The following TENT5D variants were observed in gnomAD, a reference collection of about 807,000 sequenced individuals.
TENT5D encodes terminal nucleotidyltransferase 5D.
For synonymous variants in TENT5D, 103 were observed against 100.6 expected (o/e 1.02, Z -0.15); for missense variants, 191 against 287.0 (o/e 0.67, Z 2.42).
At chrX:80,372,344 C>T (rs184605193) in intron 3 of TENT5D, among the ~76,000 whole-genome samples, 1 of 111,436 alleles carries the variant, frequency 9.0e-6, no homozygotes. Flanking sequence ...TGGGTAGAGA[C>T]TTTAGAGAAT....
At chrX:80,422,640 TGA>T (rs1283896565) in intron 1 of TENT5D, among the ~76,000 whole-genome samples, 2 of 111,351 alleles carry the variant, frequency 1.8e-5, no homozygotes, top group Non-Finnish European at 3.8e-5. Flanking sequence ...TTTTAATGTC[TGA>T]GAGGGTGCGG....
intron 3 of TENT5D, among the ~76,000 whole-genome samples, chrX:80,392,492 A>AT (rs1931150145): frequency 4.2e-5 from 1 of 23,695 alleles, no homozygotes; most frequent in African/African-American, 1.5e-4. Flanking sequence ...TTCTCATTTT[A>AT]TTCTTTTTTT....
exon 3 of TENT5D, chrX:80,443,094 C>T: frequency 8.3e-7 from 1 of 1,207,591 alleles, no homozygotes; most frequent in East Asian, 3.0e-5. Flanking sequence ...CCATGTTAGA[C>T]TTCTACAGTG....
chrX:80,379,593 T>A (rs1321652932), intron 3 of TENT5D, among the ~76,000 whole-genome samples: 1 of 111,358 alleles, frequency 9.0e-6, no homozygotes, highest in Non-Finnish European at 1.9e-5. Flanking sequence ...GGTCCTGGAC[T>A]TTTTTTGGTT....
intron 3 of TENT5D, among the ~76,000 whole-genome samples, chrX:80,398,907 A>G (rs1931339219): frequency 8.9e-6 from 1 of 111,766 alleles, no homozygotes; most frequent in African/African-American, 3.2e-5. Flanking sequence ...AACCTGACCA[A>G]AAATAACAAC....
chrX:80,335,796 T>C (rs1929836798), intron 2 of TENT5D: 1 of 111,251 alleles, frequency 9.0e-6, no homozygotes, highest in South Asian at 3.7e-4. Flanking sequence ...GCTGGTAAAT[T>C]TGAGGTGTGA....
chrX:80,404,205 C>T (rs1292907922), intron 3 of TENT5D, among the ~76,000 whole-genome samples: 1 of 111,584 alleles, frequency 9.0e-6, no homozygotes, highest in Non-Finnish European at 1.9e-5. Flanking sequence ...TAAAATAAGT[C>T]ATTCATTTAG....
intron 3 of TENT5D, among the ~76,000 whole-genome samples, chrX:80,401,128 T>C (rs1931383288): frequency 8.9e-6 from 1 of 111,936 alleles, no homozygotes; most frequent in South Asian, 3.7e-4. Context: ...TAAAAGTCTT[T>C]CACCTGTTTG....
In TENT5D at chrX:80,338,989, C is replaced by T. The variant is rs777473846; in HGVS notation, c.-207+3273C>T. ...AATAGTTTACAGAATGTCTCATATA[C>T]ATCATTTCATTTGATACCTAAGGTA... On this transcript the variant is annotated intron_variant, in intron 2 of 4. Transcript: ENST00000538312. Among the ~76,000 whole-genome samples the T allele has an allele frequency of 3.6e-5, 4 of 111,849 alleles. No homozygotes were observed. In the South Asian group the frequency reaches 1.5e-3, roughly 41 times the overall value.
At chrX:80,440,879 T>C (rs1039403474) in intron 2 of TENT5D, among the ~76,000 whole-genome samples, 1 of 111,222 alleles carries the variant, frequency 9.0e-6, no homozygotes, top group Non-Finnish European at 1.9e-5. Flanking sequence ...CTTTTCTAGA[T>C]TGAGAATTTG....
At chrX:80,397,328 G>A (rs1297761412) in intron 3 of TENT5D, among the ~76,000 whole-genome samples, 6 of 106,995 alleles carry the variant, frequency 5.6e-5, no homozygotes, top group Non-Finnish European at 7.8e-5. Flanking sequence ...CATCTCAGAC[G>A]ATGGGCGGCC....
chrX:80,424,842 A>G (rs1442948247), intron 1 of TENT5D, among the ~76,000 whole-genome samples: 1 of 112,576 alleles, frequency 8.9e-6, no homozygotes, highest in Non-Finnish European at 1.9e-5. Flanking sequence ...GGAATCTTAG[A>G]TAGGACTTTT....
At chrX:80,431,067 C>A (rs1932078683) in intron 1 of TENT5D, among the ~76,000 whole-genome samples, 1 of 111,959 alleles carries the variant, frequency 8.9e-6, no homozygotes, top group Non-Finnish European at 1.9e-5. Flanking sequence ...GAGAATGACA[C>A]CAATTGACTT....
At chrX:80,442,221 A>G (rs1932298242) in intron 2 of TENT5D, among the ~76,000 whole-genome samples, 1 of 111,315 alleles carries the variant, frequency 9.0e-6, no homozygotes, top group South Asian at 3.7e-4. Flanking sequence ...TACCATCATT[A>G]TAGTATTTAC....
At chrX:80,368,478 A>G (rs994300953) in intron 3 of TENT5D, among the ~76,000 whole-genome samples, 1 of 111,969 alleles carries the variant, frequency 8.9e-6, no homozygotes, top group African/African-American at 3.2e-5. Flanking sequence ...CTTTGAAGGC[A>G]GAGATTCTAT....
chrX:80,408,184 TA>T, intron 3 of TENT5D, among the ~76,000 whole-genome samples: 1 of 105,762 alleles, frequency 9.5e-6, no homozygotes, highest in African/African-American at 3.4e-5. Flanking sequence ...ACATCACAAT[TA>T]AAAGAACTAG....
intron 3 of TENT5D, among the ~76,000 whole-genome samples, chrX:80,380,112 C>T (rs1437530495): frequency 9.2e-6 from 1 of 108,435 alleles, no homozygotes; most frequent in African/African-American, 3.4e-5. Flanking sequence ...ATAAATTTCC[C>T]TCTACACAGT....
chrX:80,335,758 A>G (rs1929835984), intron 2 of TENT5D: 1 of 111,779 alleles, frequency 8.9e-6, no homozygotes, highest in Non-Finnish European at 1.9e-5. Flanking sequence ...TTATAGTCGT[A>G]TAAAATAAGG....
At chrX:80,395,460 C>T (rs1245331601) in intron 3 of TENT5D, among the ~76,000 whole-genome samples, 2 of 111,892 alleles carry the variant, frequency 1.8e-5, no homozygotes, top group African/African-American at 6.5e-5. Flanking sequence ...TTTATAATAG[C>T]TGTGCTAATT....
Sources: allele counts gnomAD v4.1 joint callset (sites outside exome capture counted in the v4.1 genomes callset), GRCh38; gene constraint gnomAD v4.1.1; transcripts MANE v1.5; gene names NCBI Gene and HGNC (gene_info 2026-07-23, HGNC 2026-07-21).